Variants in TSHZ3 observed in about 807,000 individuals in gnomAD.
TSHZ3 encodes teashirt homolog 3.
Under a neutral mutation model 64.5 loss-of-function variants are expected in TSHZ3, and 10 were observed. That is an observed-to-expected ratio of 0.16 (90% CI 0.10 to 0.26). TSHZ3 has a LOEUF of 0.26. TSHZ3 is among the 10% of genes least tolerant of loss of function. The pLI is 1.00. For synonymous variants in TSHZ3, 608 were observed against 593.1 expected (o/e 1.03, Z -0.36); for missense variants, 1,242 against 1,421.7 (o/e 0.87, Z 2.03).
chr19:31,265,755 A>G (rs151198214), intron 1 of TSHZ3, among the ~76,000 whole-genome samples: 3,173 of 152,294 alleles, frequency 0.021, 43 homozygotes, highest in Non-Finnish European at 0.031. Flanking sequence ...TGTGAAAGGA[A>G]GCCCCTTTCC....
chr19:31,339,913 A>AG (rs890628091), intron 1 of TSHZ3, among the ~76,000 whole-genome samples: 20 of 151,860 alleles, frequency 1.3e-4, no homozygotes, highest in African/African-American at 4.8e-4. Context: ...TTAAAAAAAA[A>AG]AAAAGAAAGA....
rs1275529484 is a variant in TSHZ3 at position 31,337,730 on chromosome 19, C to CACACACACAA, written c.40+11449_40+11450insTTGTGTGTGT. ...AGTTATTTCAAAATAAACACACACA[C>CACACACACAA]ACACACACACACACACACACACAAA... On this transcript the variant is annotated intron_variant, in intron 1 of 1. Coordinates refer to ENST00000240587, the MANE Select transcript of TSHZ3 (RefSeq NM_020856.4). Among the ~76,000 whole-genome samples, 23 of 150,278 alleles carry CACACACACAA rather than the reference C, an allele frequency of 1.5e-4. 1 individual carries two copies. The highest frequency in any genetic ancestry group is 1.3e-3 in the Admixed American group (19 of 15,166).
intron 1 of TSHZ3, chr19:31,305,664 G>A (rs1916271447): frequency 6.6e-6 from 1 of 152,222 alleles, no homozygotes; most frequent in African/African-American, 2.4e-5. Flanking sequence ...GCTTTACCTA[G>A]AGCATGGTGA....
upstream of TSHZ3, among the ~76,000 whole-genome samples, chr19:31,350,520 CG>C (rs2021688212): frequency 6.8e-6 from 1 of 147,672 alleles, no homozygotes; most frequent in African/African-American, 2.5e-5. Context: ...GCCCATCCCC[CG>C]CCAGGGGCTC....
chr19:31,236,815 G>A (rs1037608944), intron 3 of TSHZ3, among the ~76,000 whole-genome samples: 2 of 152,162 alleles, frequency 1.3e-5, no homozygotes, highest in East Asian at 1.9e-4. Context: ...CAAGTAATAG[G>A]TAGAATTGAG....
At chr19:31,196,845 G>C (rs1173299298) in intron 5 of TSHZ3, among the ~76,000 whole-genome samples, 1 of 151,914 alleles carries the variant, frequency 6.6e-6, no homozygotes, top group Non-Finnish European at 1.5e-5. Context: ...AAGAAAAAAT[G>C]AATCCAATAT....
intron 4 of TSHZ3, among the ~76,000 whole-genome samples, chr19:31,216,348 A>G (rs1155806): frequency 0.7 from 106,999 of 152,068 alleles, 38,227 homozygotes; most frequent in African/African-American, 0.84. Flanking sequence ...TTTGCTGCAA[A>G]AGGAGGGACC....
At chr19:31,252,452 C>T (rs1215300969) in intron 1 of TSHZ3, among the ~76,000 whole-genome samples, 1 of 152,158 alleles carries the variant, frequency 6.6e-6, no homozygotes, top group East Asian at 1.9e-4. Context: ...TGGTTTGGCT[C>T]CATGTCCCTA....
At chr19:31,260,855 A>G (rs1440357037) in intron 1 of TSHZ3, among the ~76,000 whole-genome samples, 1 of 152,172 alleles carries the variant, frequency 6.6e-6, no homozygotes. Context: ...ACTGAGCTTG[A>G]ACTCAAAGGT....
chr19:31,215,528 G>T (rs950859849), intron 4 of TSHZ3, among the ~76,000 whole-genome samples: 1 of 152,202 alleles, frequency 6.6e-6, no homozygotes, highest in Non-Finnish European at 1.5e-5. Flanking sequence ...CAATTGTGTT[G>T]TTTTAACCAT....
intron 1 of TSHZ3, among the ~76,000 whole-genome samples, chr19:31,322,444 T>A (rs2145168972): frequency 6.6e-6 from 1 of 151,418 alleles, no homozygotes; most frequent in Non-Finnish European, 1.5e-5. Flanking sequence ...TTTTAGAGAC[T>A]AGGTCTCACT....
intron 1 of TSHZ3, among the ~76,000 whole-genome samples, chr19:31,292,406 T>C (rs1005956680): frequency 6.6e-6 from 1 of 152,182 alleles, no homozygotes. Flanking sequence ...CAGTTGAGAA[T>C]TGGGCAGCAG....
At chr19:31,195,676 G>A (rs896957634) in intron 5 of TSHZ3, 8 of 151,970 alleles carry the variant, frequency 5.3e-5, no homozygotes, top group African/African-American at 1.9e-4. Flanking sequence ...ATAAAAAAAG[G>A]AAGAAACCAA....
chr19:31,347,694 A>G (rs1320077960), intron 1 of TSHZ3, among the ~76,000 whole-genome samples: 1 of 152,214 alleles, frequency 6.6e-6, no homozygotes, highest in Non-Finnish European at 1.5e-5. Flanking sequence ...TTTGGGCAAC[A>G]CCGAGGACAG....
chr19:31,293,511 G>T (rs1272254291), intron 1 of TSHZ3, among the ~76,000 whole-genome samples: 1 of 151,978 alleles, frequency 6.6e-6, no homozygotes. Flanking sequence ...ATCATGCTTG[G>T]TCTTTTCACA....
chr19:31,152,158 G>A (rs879293472), intron 6 of TSHZ3, among the ~76,000 whole-genome samples: 1 of 151,734 alleles, frequency 6.6e-6, no homozygotes, highest in South Asian at 2.1e-4. Flanking sequence ...AAAAAAAATC[G>A]CACCATTGGG....
chr19:31,272,048 A>G (rs1033287466), downstream of TSHZ3, among the ~76,000 whole-genome samples: 3 of 151,984 alleles, frequency 2.0e-5, no homozygotes, highest in Non-Finnish European at 2.9e-5. Flanking sequence ...TGAATTTGAG[A>G]AAAAAAATCA....
intron 5 of TSHZ3, among the ~76,000 whole-genome samples, chr19:31,180,738 G>A (rs780107887): frequency 8.5e-5 from 13 of 152,190 alleles, no homozygotes; most frequent in Non-Finnish European, 1.5e-4. Flanking sequence ...CTGAATGTGA[G>A]AGCTGGACGC....
chr19:31,190,494 C>T (rs1049833940), intron 5 of TSHZ3, among the ~76,000 whole-genome samples: 1 of 152,138 alleles, frequency 6.6e-6, no homozygotes, highest in African/African-American at 2.4e-5. Context: ...AACAACTTCT[C>T]TCCCACTCTA....
Sources: gnomAD v4.1 joint callset for allele counts (sites outside exome capture counted in the v4.1 genomes callset) on GRCh38, gnomAD v4.1.1 for gene constraint, MANE v1.5 for transcripts, NCBI Gene and HGNC (gene_info 2026-07-23, HGNC 2026-07-21) for gene names.